The following PDGFD variants were observed in gnomAD, a reference collection of about 807,000 sequenced individuals.
PDGFD encodes the protein platelet-derived growth factor D.
Under a neutral mutation model 44.7 loss-of-function variants are expected in PDGFD, and 30 were observed. That is an observed-to-expected ratio of 0.67 (90% CI 0.50 to 0.91). PDGFD has a LOEUF of 0.91. Ranked by LOEUF, PDGFD falls within the 40% of genes least tolerant of loss-of-function variation. PDGFD has a pLI of 0.00. For synonymous variants in PDGFD, 173 were observed against 168.4 expected (o/e 1.03, Z -0.21); for missense variants, 445 against 457.8 (o/e 0.97, Z 0.25).
chr11:104,058,334 A>G (rs570272994), intron 1 of PDGFD, among the ~76,000 whole-genome samples: 1 of 152,348 alleles, frequency 6.6e-6, no homozygotes, highest in South Asian at 2.1e-4. Flanking sequence ...CATGGGCAAA[A>G]GATATGAAGA....
At chr11:104,084,974 T>G (rs1198448039) in intron 1 of PDGFD, among the ~76,000 whole-genome samples, 1 of 148,812 alleles carries the variant, frequency 6.7e-6, no homozygotes, top group Non-Finnish European at 1.5e-5. Flanking sequence ...TAAAAATATA[T>G]ATAGTGTGCC....
chr11:104,043,047 T>C (rs1638750610), intron 1 of PDGFD, among the ~76,000 whole-genome samples: 1 of 152,146 alleles, frequency 6.6e-6, no homozygotes, highest in African/African-American at 2.4e-5. Flanking sequence ...AAATTTAAAT[T>C]ATAGCATTAA....
chr11:104,048,374 T>C (rs1860475705), intron 1 of PDGFD, among the ~76,000 whole-genome samples: 1 of 151,966 alleles, frequency 6.6e-6, no homozygotes, highest in African/African-American at 2.4e-5. Flanking sequence ...GATTCTGCCA[T>C]TCATTTATTT....
chr11:103,994,589 A>G (rs895315113), intron 3 of PDGFD, among the ~76,000 whole-genome samples: 2 of 152,196 alleles, frequency 1.3e-5, no homozygotes, highest in Admixed American at 6.6e-5. Context: ...TTAAAAAGCA[A>G]GTTTTTTTTT....
chr11:104,020,068 C>CACAAA (rs1159985936), intron 1 of PDGFD, among the ~76,000 whole-genome samples: 2 of 152,072 alleles, frequency 1.3e-5, no homozygotes, highest in African/African-American at 4.8e-5. Flanking sequence ...AGTAAATAAA[C>CACAAA]ACCAAACAAA....
At chr11:104,157,614 C>A (rs745777208) in intron 1 of PDGFD, among the ~76,000 whole-genome samples, 6 of 152,182 alleles carry the variant, frequency 3.9e-5, no homozygotes, top group Non-Finnish European at 8.8e-5. Context: ...CAAGGCAGCA[C>A]GGTCAACCCC....
intron 1 of PDGFD, among the ~76,000 whole-genome samples, chr11:104,084,747 TTA>T (rs1185752144): frequency 8.4e-6 from 1 of 118,778 alleles, no homozygotes; most frequent in Non-Finnish European, 1.7e-5. Context: ...ATGTAATATA[TTA>T]TAGTTTATAT....
chr11:104,129,565 C>T (rs1861887424), intron 1 of PDGFD, among the ~76,000 whole-genome samples: 1 of 152,124 alleles, frequency 6.6e-6, no homozygotes, highest in African/African-American at 2.4e-5. Flanking sequence ...GCATTGTGCA[C>T]CAGCATCAGA....
chr11:104,000,256 C>A lies in PDGFD; in HGVS notation c.125-1G>T. 6.2e-7 allele frequency: 1 copy of A among 1,612,518 alleles called. No individual in the cohort carries two copies. Among genetic ancestry groups the A allele is most frequent in the Non-Finnish European group, 8.5e-7 (1 of 1,179,058 alleles). On this transcript the variant is annotated splice_acceptor_variant, in intron 1 of 6. Transcript: ENST00000393158. LOFTEE classifies it high-confidence loss of function. ...TACAAGTCTGTGAGGTGATTGCTCT[C>A]TGTTAGTAGTCACAACTTGTAGAAA...
chr11:103,987,065 ACC>A (rs10565380), intron 3 of PDGFD, among the ~76,000 whole-genome samples: 62,921 of 141,392 alleles, frequency 0.45, 13,938 homozygotes, highest in East Asian at 0.63. Flanking sequence ...CCACTTTCCA[ACC>A]CCCCCCCACC....
chr11:103,925,386 G>C (rs1167927752), intron 6 of PDGFD, among the ~76,000 whole-genome samples: 2 of 151,966 alleles, frequency 1.3e-5, no homozygotes, highest in African/African-American at 2.4e-5. Flanking sequence ...AATGATGTTT[G>C]CTTCATATTT....
chr11:103,995,182 G>A (rs182062868), intron 3 of PDGFD, among the ~76,000 whole-genome samples: 7 of 152,216 alleles, frequency 4.6e-5, no homozygotes, highest in African/African-American at 1.7e-4. Flanking sequence ...CACCTGGCCT[G>A]TTGCTGCTTT....
intron 1 of PDGFD, among the ~76,000 whole-genome samples, chr11:104,044,854 T>C (rs1384266169): frequency 6.6e-6 from 1 of 152,078 alleles, no homozygotes; most frequent in Non-Finnish European, 1.5e-5. Flanking sequence ...CTGGCTAAAA[T>C]GGTGAAACCC....
intron 1 of PDGFD, among the ~76,000 whole-genome samples, chr11:104,008,485 T>C (rs1859736667): frequency 6.6e-6 from 1 of 152,178 alleles, no homozygotes. Flanking sequence ...TCTCTATTTC[T>C]TTTCAACTAG....
rs1259946291 is a variant in PDGFD at position 103,999,981 on chromosome 11, G to A, written c.329+70C>T. ...AAGGCTCAAAAGGAATGTTTGATACGATGCTTTAAATTCATCTTTTTCTTT... is the reference window on the plus strand; with the variant it reads ...AAGGCTCAAAAGGAATGTTTGATACAATGCTTTAAATTCATCTTTTTCTTT... On this transcript the variant is annotated intron_variant, in intron 2 of 6. Transcript: ENST00000393158. 5 of 1,346,644 alleles carry A rather than the reference G, an allele frequency of 3.7e-6. No homozygotes were observed. The African/African-American group carries it at 4.4e-5, about 12-fold the overall frequency. 83.4% of individuals were successfully genotyped at this position (1,346,644 alleles called of 1,614,324 possible).
At chr11:104,147,923 T>C (rs964312462) in intron 1 of PDGFD, among the ~76,000 whole-genome samples, 1 of 152,148 alleles carries the variant, frequency 6.6e-6, no homozygotes, top group Non-Finnish European at 1.5e-5. Flanking sequence ...AAGTGATAAA[T>C]GAGAATATTA....
At chr11:104,014,608 A>G (rs1199218400) in intron 1 of PDGFD, among the ~76,000 whole-genome samples, 1 of 152,198 alleles carries the variant, frequency 6.6e-6, no homozygotes, top group Admixed American at 6.5e-5. Context: ...TTAATAAAGA[A>G]TAATACATAC....
chr11:104,008,691 A>G (rs1349269781), intron 1 of PDGFD, among the ~76,000 whole-genome samples: 1 of 152,088 alleles, frequency 6.6e-6, no homozygotes, highest in South Asian at 2.1e-4. Context: ...AAAGTGCTGT[A>G]TAATTTCTTT....
intron 3 of PDGFD, among the ~76,000 whole-genome samples, chr11:103,993,743 A>T (rs1859493748): frequency 6.6e-6 from 1 of 152,232 alleles, no homozygotes; most frequent in Admixed American, 6.5e-5. Flanking sequence ...TAGAGTCTCT[A>T]CATACCTGGA....
Sources: gnomAD v4.1 joint callset for allele counts (sites outside exome capture counted in the v4.1 genomes callset) on GRCh38, gnomAD v4.1.1 for gene constraint, MANE v1.5 for transcripts, NCBI Gene and HGNC (gene_info 2026-07-23, HGNC 2026-07-21) for gene names.